Variants in SLC44A1 observed in about 807,000 individuals in gnomAD.
SLC44A1 encodes the protein choline transporter-like protein 1.
A neutral mutation model predicts 79.3 loss-of-function variants in SLC44A1; 26 were observed. The observed-to-expected ratio is 0.33, with a 90% CI of 0.24 to 0.46. The LOEUF (loss-of-function observed/expected upper bound fraction) is 0.46. SLC44A1 is among the 20% of genes least tolerant of loss of function. SLC44A1 has a pLI of 1.00. For synonymous variants in SLC44A1, 263 were observed against 286.2 expected (o/e 0.92, Z 0.82); for missense variants, 688 against 798.1 (o/e 0.86, Z 1.66).
At chr9:105,365,371 A>G in intron 10 of SLC44A1, 112 bp from the exon 11 acceptor site, 1 of 732,830 alleles carries the variant, frequency 1.4e-6, no homozygotes, top group Non-Finnish European at 2.2e-6. Flanking sequence ...AAGCTAAAAT[A>G]AGAATGATGA....
At chr9:105,357,572 A>T (rs1309798710) in intron 6 of SLC44A1, among the ~76,000 whole-genome samples, 20 of 152,212 alleles carry the variant, frequency 1.3e-4, no homozygotes, top group Admixed American at 1.2e-3. Context: ...TTATTATTTC[A>T]GAAACGTATT....
In SLC44A1 at chr9:105,395,815, G is replaced by T. The variant is rs1033961000; in HGVS notation, c.*6759G>T. The T allele has an allele frequency of 5.1e-6, 5 of 984,696 alleles. No homozygotes were observed. In the African/African-American group the frequency reaches 8.8e-5, roughly 17 times the overall value. 61.0% of individuals were successfully genotyped at this position (984,696 alleles called of 1,614,324 possible). A position where few individuals can be genotyped will look rare whatever the true frequency, so the allele number is the denominator to read the frequency against. ...AGACTTGGGAATAATTGGGCAGATA[G>T]AATGGGTTCCATGGATCATTCTAGT... is the stretch of plus-strand genomic sequence containing the variant. On this transcript the variant is annotated 3_prime_UTR_variant, in exon 16 of 16. Coordinates refer to ENST00000374720, the MANE Select transcript of SLC44A1 (RefSeq NM_080546.5).
intron 13 of SLC44A1, among the ~76,000 whole-genome samples, chr9:105,378,200 G>A (rs902394790): frequency 2.9e-4 from 44 of 152,232 alleles, no homozygotes; most frequent in African/African-American, 1.1e-3. Flanking sequence ...AGTGAGCTGA[G>A]ATAGCGCCAC....
intron 1 of SLC44A1, among the ~76,000 whole-genome samples, chr9:105,284,467 T>C (rs933546367): frequency 3.3e-5 from 5 of 152,292 alleles, no homozygotes; most frequent in Non-Finnish European, 5.9e-5. Context: ...CTAATTCAGA[T>C]CTATTTTATG....
rs753098639 is a variant in SLC44A1 at position 105,392,705 on chromosome 9, A to G, written c.*3649A>G. 1 of 985,362 alleles carries G rather than the reference A, an allele frequency of 1.0e-6. No individual in the cohort carries two copies. Among genetic ancestry groups the G allele is most frequent in the Non-Finnish European group, 1.2e-6 (1 of 829,912 alleles). 61.0% of individuals were successfully genotyped at this position (985,362 alleles called of 1,614,324 possible). ...GCTTCAACTATTTCCACCATGCACT[A>G]TTACTAGCTACTAACAGCCATTTTA... On this transcript the variant is annotated 3_prime_UTR_variant, in exon 16 of 16. Transcript: ENST00000374720.
chr9:105,377,442 A>T (rs1462168445), intron 13 of SLC44A1, among the ~76,000 whole-genome samples: 1 of 151,822 alleles, frequency 6.6e-6, no homozygotes, highest in African/African-American at 2.4e-5. Flanking sequence ...AGTATGCATT[A>T]TTTTTTTAAT....
chr9:105,329,390 A>C (rs1056457825), intron 3 of SLC44A1, among the ~76,000 whole-genome samples: 1 of 152,050 alleles, frequency 6.6e-6, no homozygotes, highest in Non-Finnish European at 1.5e-5. Flanking sequence ...ATTCGGCAGG[A>C]GGCAGCCAAA....
At position 105,276,966 on chromosome 9, in the gene SLC44A1, G is replaced by A. The variant is rs10115083; in HGVS notation, c.37-22254G>A. Among the ~76,000 whole-genome samples the A allele has an allele frequency of 5.4e-3, 818 of 152,358 alleles. 6 individuals carry two copies. The highest frequency in any genetic ancestry group is 0.019 in the African/African-American group (792 of 41,584). ...TTCCAATCACGTTATTGAAACTAGT[G>A]TTGAGGGGACACGGGTGGAAGCAGA... On this transcript the variant is annotated intron_variant, in intron 1 of 15. Coordinates refer to ENST00000374720, the MANE Select transcript of SLC44A1 (RefSeq NM_080546.5).
chr9:105,392,102 T>TGC lies in SLC44A1; in HGVS notation c.*3046_*3047insGC. ...TATGAGAGGCTTACCAGTGCATTAG[T>TGC]AATAAAACATTAGCAATTTAGCTAG... On this transcript the variant is annotated 3_prime_UTR_variant, in exon 16 of 16. Transcript: ENST00000374720. 1.0e-6 allele frequency: 1 copy of TGC among 985,380 alleles called. No individual in the cohort carries two copies. The highest frequency in any genetic ancestry group is 4.7e-5 in the South Asian group (1 of 21,290). The allele number at this position is 985,380 out of a possible 1,614,324, so 61.0% of individuals were successfully genotyped here. A position where few individuals can be genotyped will look rare whatever the true frequency, so the allele number is the denominator to read the frequency against.
At chr9:105,422,723 C>CCCTGGGGGCTTG (rs1829270860) in intron 15 of SLC44A1, among the ~76,000 whole-genome samples, 1 of 152,134 alleles carries the variant, frequency 6.6e-6, no homozygotes, top group Non-Finnish European at 1.5e-5. Context: ...AATTATAATT[C>CCCTGGGGGCTTG]CCTGGGGGCA....
intron 13 of SLC44A1, among the ~76,000 whole-genome samples, chr9:105,375,335 C>T (rs1317130079): frequency 2.0e-5 from 3 of 152,204 alleles, no homozygotes; most frequent in Non-Finnish European, 2.9e-5. Context: ...CCACTGCACC[C>T]GGCCCTCTTT....
Position 105,256,096 on chromosome 9 carries a change from T to TCCACCTCCCAGACTCAAGCAATCCTC in SLC44A1, c.36+11200_36+11225dup, listed in dbSNP as rs1161489335. On this transcript the variant is annotated intron_variant, in intron 1 of 15. Coordinates refer to ENST00000374720, the MANE Select transcript of SLC44A1 (RefSeq NM_080546.5). Reference sequence around the variant, plus strand: ...TAGTGGATCTCGGCTCACTGCAACCTCCACCTCCCAGACTCAAGCAATCCT... The same window carrying TCCACCTCCCAGACTCAAGCAATCCTC: ...TAGTGGATCTCGGCTCACTGCAACCTCCACCTCCCAGACTCAAGCAATCCTCCCACCTCCCAGACTCAAGCAATCCT... 2.0e-5 allele frequency among the ~76,000 whole-genome samples: 3 copies of TCCACCTCCCAGACTCAAGCAATCCTC among 151,878 alleles called. No individual in the cohort carries two copies. The East Asian group carries it at 5.8e-4, about 30-fold the overall frequency.
chr9:105,416,009 C>G (rs1009057897), intron 15 of SLC44A1, among the ~76,000 whole-genome samples: 18 of 148,060 alleles, frequency 1.2e-4, no homozygotes, highest in African/African-American at 4.2e-4. Context: ...TCCAGCGATT[C>G]TCCTACGTCA....
chr9:105,396,504 T>C lies in SLC44A1; in HGVS notation c.*7448T>C. 1 of 985,396 alleles carries C rather than the reference T, an allele frequency of 1.0e-6. No individual in the cohort carries two copies. The highest frequency in any genetic ancestry group is 1.2e-6 in the Non-Finnish European group (1 of 829,908). 61.0% of individuals were successfully genotyped at this position (985,396 alleles called of 1,614,324 possible). ...GTTTAGAATAGAGCTCCTAGAATAATAAGGCGGCCAAATTTAAAGATCAGT... is the reference window on the plus strand; with the variant it reads ...GTTTAGAATAGAGCTCCTAGAATAACAAGGCGGCCAAATTTAAAGATCAGT... On this transcript the variant is annotated 3_prime_UTR_variant, in exon 16 of 16. Coordinates refer to ENST00000374720, the MANE Select transcript of SLC44A1 (RefSeq NM_080546.5).
At chr9:105,307,139 G>T (rs1831053553) in intron 2 of SLC44A1, among the ~76,000 whole-genome samples, 1 of 152,114 alleles carries the variant, frequency 6.6e-6, no homozygotes, top group Non-Finnish European at 1.5e-5. Context: ...TTCAGCTAGG[G>T]ATCGGATATG....
At chr9:105,397,833 A>G (rs1828905034), downstream of SLC44A1, among the ~76,000 whole-genome samples, 1 of 152,020 alleles carries the variant, frequency 6.6e-6, no homozygotes, top group Non-Finnish European at 1.5e-5. Flanking sequence ...CTGTAGTCCC[A>G]GCTACTCGGG....
At chr9:105,400,479 C>T (rs920400870), downstream of SLC44A1, among the ~76,000 whole-genome samples, 3 of 99,864 alleles carry the variant, frequency 3.0e-5, no homozygotes, top group Admixed American at 1.2e-4. Flanking sequence ...CAGAGCAAGA[C>T]GCCATCTCAA....
chr9:105,248,841 C>T (rs1478963792), intron 1 of SLC44A1, among the ~76,000 whole-genome samples: 1 of 152,204 alleles, frequency 6.6e-6, no homozygotes, highest in Non-Finnish European at 1.5e-5. Flanking sequence ...TTATTAAATG[C>T]TCTTTCCCAT....
At chr9:105,324,990 C>A (rs1267032609) in intron 3 of SLC44A1, among the ~76,000 whole-genome samples, 1 of 152,160 alleles carries the variant, frequency 6.6e-6, no homozygotes, top group Non-Finnish European at 1.5e-5. Flanking sequence ...TCCAGCAATT[C>A]CACTCCTTCG....
Sources: allele counts gnomAD v4.1 joint callset (sites outside exome capture counted in the v4.1 genomes callset), GRCh38; gene constraint gnomAD v4.1.1; transcripts MANE v1.5; gene names NCBI Gene and HGNC (gene_info 2026-07-23, HGNC 2026-07-21).